Variants in NT5DC1 observed in about 807,000 individuals in gnomAD.
NT5DC1 encodes 5'-nucleotidase domain-containing protein 1.
Under a neutral mutation model 59.4 loss-of-function variants are expected in NT5DC1, and 42 were observed. That is an observed-to-expected ratio of 0.71 (90% CI 0.55 to 0.92). The LOEUF is 0.92. NT5DC1 is among the 40% of genes least tolerant of loss of function. NT5DC1 has a pLI of 0.00. For synonymous variants in NT5DC1, 172 were observed against 188.1 expected, an observed-to-expected ratio of 0.91 and a Z score of 0.70; for missense variants, 501 against 537.1, an observed-to-expected ratio of 0.93 and a Z score of 0.66.
At chr6:116,112,001 A>G (rs1225634067) in intron 4 of NT5DC1, among the ~76,000 whole-genome samples, 1 of 152,140 alleles carries the variant, frequency 6.6e-6, no homozygotes, top group Non-Finnish European at 1.5e-5. Flanking sequence ...TGAGTGTTTC[A>G]CTCTGAAATT....
At chr6:116,125,474 AG>A (rs1562127473) in intron 6 of NT5DC1, 1 of 1,613,898 alleles carries the variant, frequency 6.2e-7, no homozygotes. Context: ...AGCAGCAAAA[AG>A]GGTATTTGTG....
chr6:116,222,990 T>C lies in NT5DC1; in HGVS notation c.705-44T>C, dbSNP rs1381102850. On this transcript the variant is annotated intron_variant, in intron 7 of 11. Transcript: ENST00000319550. Reference sequence around the variant, plus strand: ...CAAGTTCTGTTTTATATGGACCTTTTCTAATTCTTAAAATAAACTTATGAA... The same window carrying C: ...CAAGTTCTGTTTTATATGGACCTTTCCTAATTCTTAAAATAAACTTATGAA... 4 of 1,047,070 alleles carry C rather than the reference T, an allele frequency of 3.8e-6. No individual in the cohort carries two copies. The East Asian group carries it at 9.6e-5, about 25-fold the overall frequency. The allele number at this position is 1,047,070 out of a possible 1,614,324, so 64.9% of individuals were successfully genotyped here. A position where few individuals can be genotyped will look rare whatever the true frequency, so the allele number is the denominator to read the frequency against.
intron 6 of NT5DC1, among the ~76,000 whole-genome samples, chr6:116,124,732 C>T (rs1779239834): frequency 6.6e-6 from 1 of 152,162 alleles, no homozygotes; most frequent in African/African-American, 2.4e-5. Flanking sequence ...ACAGCTTATG[C>T]ATTACAGTTA....
chr6:116,223,071 A>C lies in NT5DC1; in HGVS notation c.742A>C (p.Asn248His). ...FTDLFDIVITNALKPGFFSHL... is the reference protein window; with the variant it reads ...FTDLFDIVITHALKPGFFSHL... ...AGACCTTTTTGACATTGTGATTACAAATGCATTGAAGCCTGGTTTCTTCTC... is the reference window on the plus strand; with the variant it reads ...AGACCTTTTTGACATTGTGATTACACATGCATTGAAGCCTGGTTTCTTCTC... The change falls in exon 8 of 12, where the codon AAT becomes CAT. Residue 248 changes from asparagine to histidine, a missense_variant. Coordinates refer to ENST00000319550, the MANE Select transcript of NT5DC1 (RefSeq NM_152729.3). 6.2e-7 allele frequency: 1 copy of C among 1,607,050 alleles called. No individual in the cohort carries two copies.
intron 8 of NT5DC1, among the ~76,000 whole-genome samples, chr6:116,234,300 C>T (rs1394304528): frequency 6.6e-6 from 1 of 151,836 alleles, no homozygotes; most frequent in Non-Finnish European, 1.5e-5. Context: ...AAATGAATAT[C>T]CTCATTGTAC....
chr6:116,106,264 C>G lies in NT5DC1; in HGVS notation c.114C>G (p.Ala38=). Residue 38 remains alanine (A), a synonymous_variant, in exon 2 of 12, where the codon GCC becomes GCG. Coordinates refer to ENST00000319550, the MANE Select transcript of NT5DC1 (RefSeq NM_152729.3). ...TGCAGCTCATTTATAATAGCTTTGCCCAGTTCCTAGTTAAGGAGAAAGGGT... is the reference window on the plus strand; with the variant it reads ...TGCAGCTCATTTATAATAGCTTTGCGCAGTTCCTAGTTAAGGAGAAAGGGT... The part of the protein sequence containing the change: ...ESAPLIYNSF[A]QFLVKEKGYD... The G allele has an allele frequency of 6.4e-7, 1 of 1,569,750 alleles. No homozygotes were observed. The highest frequency in any genetic ancestry group is 8.8e-7 in the Non-Finnish European group (1 of 1,140,558).
At chr6:116,110,780 G>A in intron 3 of NT5DC1, 70 bp from the exon 4 acceptor site, 1 of 1,106,954 alleles carries the variant, frequency 9.0e-7, no homozygotes, top group Non-Finnish European at 1.4e-6. Flanking sequence ...GGGATCAACA[G>A]TCACAATGAT....
intron 6 of NT5DC1, among the ~76,000 whole-genome samples, chr6:116,147,497 C>G (rs1002979850): frequency 6.6e-6 from 1 of 151,594 alleles, no homozygotes; most frequent in African/African-American, 2.4e-5. Context: ...AAATTTCCAA[C>G]TCATGTAATG....
Position 116,147,850 on chromosome 6 carries a change from G to A in NT5DC1, c.529+29905G>A, listed in dbSNP as rs554936582. ...GAACTGCTCAAATATTCATTCATAA[G>A]AACTAGCTACATTAGCAGTCATTAA... On this transcript the variant is annotated intron_variant, in intron 6 of 11. Transcript: ENST00000319550. 2.6e-3 allele frequency among the ~76,000 whole-genome samples: 401 copies of A among 152,178 alleles called. 1 individual carries two copies. Among genetic ancestry groups the A allele is most frequent in the South Asian group, 4.3e-3 (21 of 4,828 alleles).
rs2114286963 is a variant in NT5DC1, at chr6:116,121,238, G to GGGGGCCCAGCTATTCCT, written c.529+3296_529+3312dup. On this transcript the variant is annotated intron_variant, in intron 6 of 11. Transcript: ENST00000319550. ...TGGTTTCCCAAAGCCAGGAGGCCCT[G>GGGGGCCCAGCTATTCCT]GGGGCCCAGCTATTCCTGGAGCCCC... The GGGGGCCCAGCTATTCCT allele has an allele frequency of 6.2e-7, 1 of 1,613,722 alleles. No homozygotes were observed. Among genetic ancestry groups the GGGGGCCCAGCTATTCCT allele is most frequent in the Admixed American group, 1.7e-5 (1 of 60,020 alleles).
chr6:116,227,269 C>T (rs1386018498), intron 8 of NT5DC1, among the ~76,000 whole-genome samples: 3 of 152,068 alleles, frequency 2.0e-5, no homozygotes, highest in African/African-American at 7.2e-5. Flanking sequence ...ATTGTGTCCT[C>T]CAGGTTCATC....
At chr6:116,179,300 A>C (rs1401682250) in intron 6 of NT5DC1, among the ~76,000 whole-genome samples, 1 of 152,168 alleles carries the variant, frequency 6.6e-6, no homozygotes, top group African/African-American at 2.4e-5. Context: ...AAAACTGCAT[A>C]ATGGCAGGAG....
At chr6:116,184,448 A>G (rs2114480091) in intron 6 of NT5DC1, among the ~76,000 whole-genome samples, 1 of 151,744 alleles carries the variant, frequency 6.6e-6, no homozygotes, top group Admixed American at 6.6e-5. Flanking sequence ...CTTTTGAAAT[A>G]GTGTCAATTG....
At chr6:116,116,418 C>T (rs969641553) in intron 5 of NT5DC1, among the ~76,000 whole-genome samples, 96 of 152,222 alleles carry the variant, frequency 6.3e-4, no homozygotes, top group Middle Eastern at 6.8e-3. Context: ...CCAAAACAGG[C>T]GGATCACGAA....
intron 2 of NT5DC1, 140 bp downstream of exon 2, chr6:116,106,475 A>G: frequency 1.7e-6 from 1 of 597,764 alleles, no homozygotes; most frequent in South Asian, 2.2e-5. Flanking sequence ...AATGCCTTCT[A>G]TATTAAAAGT....
At chr6:116,123,551 T>A (rs1251351469) in intron 6 of NT5DC1, among the ~76,000 whole-genome samples, 2 of 152,242 alleles carry the variant, frequency 1.3e-5, no homozygotes, top group East Asian at 3.8e-4. Flanking sequence ...CATAATTTAG[T>A]ATGTTTTGAC....
intron 6 of NT5DC1, among the ~76,000 whole-genome samples, chr6:116,193,139 A>T (rs1205449231): frequency 6.6e-6 from 1 of 152,044 alleles, no homozygotes; most frequent in African/African-American, 2.4e-5. Context: ...TTGACTATTC[A>T]GTTTGTTATT....
chr6:116,155,718 C>T (rs1780172469), intron 6 of NT5DC1, among the ~76,000 whole-genome samples: 2 of 141,828 alleles, frequency 1.4e-5, no homozygotes, highest in South Asian at 2.2e-4. Flanking sequence ...ATAAACAACA[C>T]TGCATCTACA....
chr6:116,181,582 A>G (rs1215035369), intron 6 of NT5DC1, among the ~76,000 whole-genome samples: 3 of 152,162 alleles, frequency 2.0e-5, no homozygotes, highest in Non-Finnish European at 4.4e-5. Context: ...GAATAAGACA[A>G]GGAGGCTTAT....
Sources: gnomAD v4.1 joint callset for allele counts (sites outside exome capture counted in the v4.1 genomes callset) on GRCh38, gnomAD v4.1.1 for gene constraint, MANE v1.5 for transcripts, NCBI Gene and HGNC (gene_info 2026-07-23, HGNC 2026-07-21) for gene names.